The following MAEL variants were observed in gnomAD, a reference collection of about 807,000 sequenced individuals.
MAEL encodes maelstrom spermatogenic transposon silencer.
Under a neutral mutation model 62.0 loss-of-function variants are expected in MAEL, and 46 were observed. The ratio of observed to expected loss-of-function variants is 0.74; its 90% CI spans 0.59 to 0.95. The LOEUF (loss-of-function observed/expected upper bound fraction) is 0.95. Among genes scored for constraint, MAEL ranks in the 40% least tolerant of loss-of-function variants. MAEL has a pLI of 0.00. For missense variants in MAEL, 497 were observed against 526.8 expected (o/e 0.94, Z 0.55); for synonymous variants, 172 against 175.5 (o/e 0.98, Z 0.16).
At chr1:166,992,653 A>G (rs770860380) in intron 3 of MAEL, 33 bp from the exon 4 acceptor site, 3 of 1,497,298 alleles carry the variant, frequency 2.0e-6, no homozygotes, top group South Asian at 2.6e-5. Context: ...TGAGACATTC[A>G]TTTATTCATT....
chr1:166,984,821 T>A (rs1032586922), upstream of MAEL, among the ~76,000 whole-genome samples: 21 of 152,218 alleles, frequency 1.4e-4, no homozygotes, highest in African/African-American at 5.1e-4. Flanking sequence ...ATTCTTCACA[T>A]GACTAGCTCT....
chr1:166,984,475 C>T (rs1202233169), upstream of MAEL, among the ~76,000 whole-genome samples: 1 of 152,052 alleles, frequency 6.6e-6, no homozygotes, highest in Non-Finnish European at 1.5e-5. Flanking sequence ...TTCGATTTAG[C>T]CATTCCACAA....
chr1:167,021,015 G>A, intron 10 of MAEL, 70 bp from the exon 11 acceptor site: 1 of 1,116,042 alleles, frequency 9.0e-7, no homozygotes. Context: ...ATATGAAATT[G>A]AAGACAGACC....
At chr1:167,011,126 C>T (rs938070008) in intron 8 of MAEL, among the ~76,000 whole-genome samples, 3 of 152,116 alleles carry the variant, frequency 2.0e-5, no homozygotes, top group Admixed American at 1.3e-4. Flanking sequence ...AAAGAATGGG[C>T]TTCCTCATTG....
chr1:166,989,503 G>A lies in MAEL; in HGVS notation c.132+19G>A. The A allele has an allele frequency of 1.3e-6, 2 of 1,579,222 alleles. No homozygotes were observed. The highest frequency in any genetic ancestry group is 1.7e-6 in the Non-Finnish European group (2 of 1,162,130). On this transcript the variant is annotated intron_variant, in intron 1 of 11. Coordinates refer to ENST00000367872, the MANE Select transcript of MAEL (RefSeq NM_032858.3). ...CTGGGCGGTAAGGCTGGAGCGGAGT[G>A]AGAGGGCTGGGCAGGGCAGTTGGGC...
Position 167,002,943 on chromosome 1 carries a change from G to T in MAEL, c.524-1237G>T, listed in dbSNP as rs193205349. On this transcript the variant is annotated intron_variant, in intron 5 of 11. Transcript: ENST00000367872. ...GAAACAAACCCAACTGCCAGATTCA[G>T]CTCTCTAAGATTTCTTCCTTTCCAA... Among the ~76,000 whole-genome samples the T allele has an allele frequency of 1.9e-3, 290 of 152,082 alleles. 2 individuals carry two copies. The highest frequency in any genetic ancestry group is 6.7e-3 in the African/African-American group (278 of 41,368).
intron 1 of MAEL, among the ~76,000 whole-genome samples, chr1:166,976,483 T>C (rs1571227695): frequency 6.6e-6 from 1 of 152,060 alleles, no homozygotes. Flanking sequence ...AGTGCAATAA[T>C]GGAGACATAG....
chr1:167,012,153 G>A (rs1392285629), intron 8 of MAEL, among the ~76,000 whole-genome samples: 1 of 152,158 alleles, frequency 6.6e-6, no homozygotes, highest in African/African-American at 2.4e-5. Context: ...ATAAGCAAAT[G>A]AAACTTATTC....
chr1:166,988,150 A>G (rs543445833), upstream of MAEL, among the ~76,000 whole-genome samples: 7 of 152,138 alleles, frequency 4.6e-5, no homozygotes, highest in African/African-American at 1.7e-4. Context: ...GAAGTGTGAG[A>G]CCAGCCTGGG....
chr1:166,982,109 T>C (rs977871876), intron 1 of MAEL, among the ~76,000 whole-genome samples: 10 of 152,174 alleles, frequency 6.6e-5, no homozygotes, highest in Non-Finnish European at 2.9e-5. Context: ...AGAATTCACA[T>C]GTATATTGCA....
intron 1 of MAEL, among the ~76,000 whole-genome samples, chr1:166,982,835 GC>G (rs960968954): frequency 1.3e-5 from 2 of 151,954 alleles, no homozygotes; most frequent in African/African-American, 2.4e-5. Flanking sequence ...GACTTACTTT[GC>G]TTTTCCTCAA....
chr1:167,002,825 AT>A (rs1664734164), intron 5 of MAEL, among the ~76,000 whole-genome samples: 1 of 152,190 alleles, frequency 6.6e-6, no homozygotes, highest in Admixed American at 6.5e-5. Context: ...GCAATAAAAT[AT>A]TTAGTTCTTA....
intron 8 of MAEL, among the ~76,000 whole-genome samples, chr1:167,007,526 T>A (rs1359197596): frequency 1.3e-5 from 2 of 151,782 alleles, no homozygotes; most frequent in Non-Finnish European, 2.9e-5. Context: ...TGATTCTAGA[T>A]CCCCTTAGTA....
upstream of MAEL, chr1:166,989,084 C>T: frequency 6.6e-6 from 3 of 452,832 alleles, no homozygotes; most frequent in South Asian, 5.8e-5. Flanking sequence ...GACAATGCCT[C>T]CGCCTGCCAC....
chr1:167,020,525 C>T (rs1278043030), intron 10 of MAEL, among the ~76,000 whole-genome samples: 1 of 152,098 alleles, frequency 6.6e-6, no homozygotes, highest in Non-Finnish European at 1.5e-5. Flanking sequence ...ACAGTTATTT[C>T]TCACCACCTT....
chr1:167,020,982 T>G, intron 10 of MAEL, 103 bp from the exon 11 acceptor site: 1 of 843,904 alleles, frequency 1.2e-6, no homozygotes, highest in Non-Finnish European at 2.0e-6. Context: ...TATTTGAGTG[T>G]TAGTTTGCAT....
Position 167,020,060 on chromosome 1 carries a change from G to T in MAEL, c.1042-1025G>T, listed in dbSNP as rs183902691. Among the ~76,000 whole-genome samples the T allele has an allele frequency of 4.1e-4, 63 of 152,138 alleles. 1 individual carries two copies. Among genetic ancestry groups the T allele is most frequent in the Admixed American group, 3.6e-3 (55 of 15,288 alleles). ...ACTACCACCATCTTCTACTACCCCTGTGCTAACAATTATTTAGTCTCTACT... is the reference window on the plus strand; with the variant it reads ...ACTACCACCATCTTCTACTACCCCTTTGCTAACAATTATTTAGTCTCTACT... On this transcript the variant is annotated intron_variant, in intron 10 of 11. Coordinates refer to ENST00000367872, the MANE Select transcript of MAEL (RefSeq NM_032858.3).
intron 1 of MAEL, among the ~76,000 whole-genome samples, chr1:166,983,545 T>C (rs1158479084): frequency 3.9e-5 from 6 of 152,146 alleles, no homozygotes; most frequent in Admixed American, 3.9e-4. Flanking sequence ...CATCTCAAAA[T>C]GAACATGTCC....
At chr1:167,014,174 T>TG (rs1665284384) in intron 8 of MAEL, among the ~76,000 whole-genome samples, 1 of 152,202 alleles carries the variant, frequency 6.6e-6, no homozygotes, top group Non-Finnish European at 1.5e-5. Context: ...TCCTTTATTG[T>TG]GGACATGTAC....
Sources: gnomAD v4.1 joint callset for allele counts (sites outside exome capture counted in the v4.1 genomes callset) on GRCh38, gnomAD v4.1.1 for gene constraint, MANE v1.5 for transcripts, NCBI Gene and HGNC (gene_info 2026-07-23, HGNC 2026-07-21) for gene names.